PIK3C2G: variants seen among roughly 807,000 people sequenced by gnomAD.
The protein encoded by PIK3C2G is phosphatidylinositol 3-kinase C2 domain-containing subunit gamma.
A neutral mutation model predicts 181.1 loss-of-function variants in PIK3C2G; 168 were observed. The observed-to-expected ratio is 0.93, with a 90% CI of 0.82 to 1.05. The LOEUF (loss-of-function observed/expected upper bound fraction) is 1.05. PIK3C2G is among the 50% of genes least tolerant of loss of function. The pLI, the probability that PIK3C2G is intolerant of heterozygous loss-of-function variation, is 0.00. For missense variants in PIK3C2G, 1,869 were observed against 1,732.8 expected (o/e 1.08, Z -1.40); for synonymous variants, 573 against 592.2 (o/e 0.97, Z 0.47).
intron 16 of PIK3C2G, among the ~76,000 whole-genome samples, chr12:18,408,016 G>A (rs1944636054): frequency 1.3e-5 from 2 of 152,162 alleles, no homozygotes; most frequent in African/African-American, 2.4e-5. Flanking sequence ...AGGCATAAAT[G>A]ATTCTAAGTA....
At chr12:18,486,493 A>G (rs1404642606) in intron 18 of PIK3C2G, among the ~76,000 whole-genome samples, 1 of 152,116 alleles carries the variant, frequency 6.6e-6, no homozygotes, top group Non-Finnish European at 1.5e-5. Flanking sequence ...TAACTGAACA[A>G]TTCTGACAGT....
chr12:18,391,100 C>A (rs1943504858), intron 14 of PIK3C2G, 22 bp from the exon 15 acceptor site: 6 of 1,580,226 alleles, frequency 3.8e-6, no homozygotes, highest in South Asian at 1.2e-5. Flanking sequence ...CAACACATGG[C>A]AAATCATTTT....
At chr12:18,552,325 TC>T (rs1292493696) in intron 26 of PIK3C2G, among the ~76,000 whole-genome samples, 1 of 152,188 alleles carries the variant, frequency 6.6e-6, no homozygotes, top group African/African-American at 2.4e-5. Flanking sequence ...TGATTTTATA[TC>T]TTTTTTCTCT....
Position 18,530,647 on chromosome 12 carries a change from A to G in PIK3C2G, c.3324-7509A>G, listed in dbSNP as rs186471104. Among the ~76,000 whole-genome samples the G allele has an allele frequency of 2.1e-3, 322 of 152,242 alleles. 1 individual carries two copies. The highest frequency in any genetic ancestry group is 3.1e-3 in the Non-Finnish European group (212 of 67,996). Reference sequence around the variant, plus strand: ...ATCTCACGTTGAATTGTAATCCCCAATGTTACAGGAGGGACCTGGAGAGAG... The same window carrying G: ...ATCTCACGTTGAATTGTAATCCCCAGTGTTACAGGAGGGACCTGGAGAGAG... On this transcript the variant is annotated intron_variant, in intron 24 of 32. Transcript: ENST00000538779.
At chr12:18,706,438 C>T in the PIK3C2G span, among the ~76,000 whole-genome samples, 3 of 152,106 alleles carry the variant, frequency 2.0e-5, no homozygotes, top group Non-Finnish European at 2.9e-5. Context: ...CAATATTCTG[C>T]TTTTTCAGTT....
chr12:18,684,384 A>G, the PIK3C2G span: 1 of 1,090,500 alleles, frequency 9.2e-7, no homozygotes, highest in Middle Eastern at 3.1e-4. Flanking sequence ...CTTTAACAAT[A>G]ATATCTTGTG....
chr12:18,671,620 A>G, the PIK3C2G span, among the ~76,000 whole-genome samples: 4 of 152,212 alleles, frequency 2.6e-5, no homozygotes, highest in African/African-American at 9.6e-5. Flanking sequence ...GAGGAGGCAC[A>G]TATGGCTAGT....
the PIK3C2G span, chr12:18,693,059 G>A: frequency 4.3e-5 from 64 of 1,486,094 alleles, 1 homozygote; most frequent in Admixed American, 1.1e-3. Flanking sequence ...AGCAAGAAGG[G>A]AAAAGATCAA....
rs147096182 is a variant in PIK3C2G at position 18,638,644 on chromosome 12, G to A, written c.4183-1785G>A. 2.7e-3 allele frequency among the ~76,000 whole-genome samples: 407 copies of A among 152,134 alleles called. 4 individuals carry two copies. Among genetic ancestry groups the A allele is most frequent in the African/African-American group, 9.2e-3 (383 of 41,510 alleles). On this transcript the variant is annotated intron_variant, in intron 31 of 32. Coordinates refer to ENST00000538779, the MANE Select transcript of PIK3C2G (RefSeq NM_001288772.2). ...TTTAGGTCATTTATGCAGTCTTTGA[G>A]CCACATAACACCCTTACAGACAAAC...
chr12:18,694,932 A>C, the PIK3C2G span: 2 of 1,600,658 alleles, frequency 1.2e-6, no homozygotes, highest in South Asian at 2.2e-5. Context: ...TGTAATTGGC[A>C]TACCCTCTTT....
intron 18 of PIK3C2G, among the ~76,000 whole-genome samples, chr12:18,487,096 TTGTGTGTGTGTGTGTGTG>T (rs35440588): frequency 7.0e-6 from 1 of 142,106 alleles, no homozygotes; most frequent in Non-Finnish European, 1.5e-5. Flanking sequence ...TTGAGGTATT[TTGTGTGTGTGTGTGTGTG>T]TGTGTGTGTG....
intron 16 of PIK3C2G, among the ~76,000 whole-genome samples, chr12:18,412,916 T>C (rs1181608129): frequency 6.6e-6 from 1 of 152,122 alleles, no homozygotes; most frequent in Non-Finnish European, 1.5e-5. Flanking sequence ...ACTTAATCCT[T>C]TGCTTGGCCC....
chr12:18,596,936 TTCTGAAACATTCAG>T (rs1305899746), intron 30 of PIK3C2G, among the ~76,000 whole-genome samples: 1 of 152,136 alleles, frequency 6.6e-6, no homozygotes, highest in Non-Finnish European at 1.5e-5. Flanking sequence ...GTTAAGTTGT[TTCTGAAACATTCAG>T]TTGAAAGCTT....
intron 5 of PIK3C2G, among the ~76,000 whole-genome samples, chr12:18,305,471 T>C (rs1380494089): frequency 6.6e-6 from 1 of 152,274 alleles, no homozygotes; most frequent in Admixed American, 6.5e-5. Flanking sequence ...TTTAATATTA[T>C]TGTAGATGTA....
intron 5 of PIK3C2G, among the ~76,000 whole-genome samples, chr12:18,297,469 A>G (rs1057005447): frequency 1.3e-5 from 2 of 152,214 alleles, no homozygotes; most frequent in Admixed American, 1.3e-4. Flanking sequence ...CATAGAATGT[A>G]TAATGATCAA....
At chr12:18,414,405 G>A (rs1445294671) in intron 16 of PIK3C2G, among the ~76,000 whole-genome samples, 13 of 151,968 alleles carry the variant, frequency 8.6e-5, no homozygotes, top group Non-Finnish European at 1.3e-4. Flanking sequence ...TGGTATTAAT[G>A]TTTTCATCCT....
the PIK3C2G span, chr12:18,719,452 C>G: frequency 4.6e-6 from 7 of 1,535,326 alleles, no homozygotes; most frequent in African/African-American, 1.4e-5. Context: ...CCAAAGGTCA[C>G]TTGGTCCCAA....
At chr12:18,539,960 G>A (rs1236061290) in intron 25 of PIK3C2G, among the ~76,000 whole-genome samples, 1 of 151,734 alleles carries the variant, frequency 6.6e-6, no homozygotes, top group African/African-American at 2.4e-5. Flanking sequence ...CGTTTTGCAA[G>A]TATGAGATGA....
intron 29 of PIK3C2G, among the ~76,000 whole-genome samples, chr12:18,593,102 A>G (rs927950852): frequency 1.3e-5 from 2 of 151,804 alleles, no homozygotes; most frequent in Non-Finnish European, 1.5e-5. Context: ...TCTTCCTTCT[A>G]TGAGTGTGTC....
Sources: allele counts gnomAD v4.1 joint callset (sites outside exome capture counted in the v4.1 genomes callset), GRCh38; gene constraint gnomAD v4.1.1; transcripts MANE v1.5; gene names NCBI Gene and HGNC (gene_info 2026-07-23, HGNC 2026-07-21).